RALYL: variants seen among roughly 807,000 people sequenced by gnomAD.
RALYL encodes RALY RNA binding protein like.
Under a neutral mutation model 35.1 loss-of-function variants are expected in RALYL, and 29 were observed. The observed-to-expected ratio is 0.83, with a 90% CI of 0.61 to 1.13. RALYL has a LOEUF of 1.13. Ranked by LOEUF, RALYL falls within the 50% of genes most tolerant of loss-of-function variation. The pLI, the probability that RALYL is intolerant of heterozygous loss-of-function variation, is 0.00. For missense variants in RALYL, 359 were observed against 360.4 expected (o/e 1.00, Z 0.03); for synonymous variants, 120 against 127.6 (o/e 0.94, Z 0.40).
At chr8:84,723,214 G>A (rs563550184) in intron 2 of RALYL, among the ~76,000 whole-genome samples, 1 of 152,062 alleles carries the variant, frequency 6.6e-6, no homozygotes, top group South Asian at 2.1e-4. Flanking sequence ...ATTGAGGAAG[G>A]CTTAGGCTTG....
At chr8:84,325,382 C>A (rs1009456135) in intron 1 of RALYL, among the ~76,000 whole-genome samples, 14 of 152,318 alleles carry the variant, frequency 9.2e-5, no homozygotes, top group African/African-American at 3.4e-4. Flanking sequence ...TGTAAAATCA[C>A]TATTTATAAC....
chr8:84,903,682 T>C (rs1846058583), intron 8 of RALYL, among the ~76,000 whole-genome samples: 1 of 152,184 alleles, frequency 6.6e-6, no homozygotes, highest in Non-Finnish European at 1.5e-5. Flanking sequence ...ATGCCTATTT[T>C]TGTGTAGGGT....
intron 3 of RALYL, among the ~76,000 whole-genome samples, chr8:84,776,771 G>T (rs1302700888): frequency 1.3e-5 from 2 of 152,148 alleles, no homozygotes; most frequent in East Asian, 3.8e-4. Flanking sequence ...CTCATGACAT[G>T]AATGTCATTT....
chr8:84,732,122 T>C (rs1250842608), intron 2 of RALYL, among the ~76,000 whole-genome samples: 1 of 152,186 alleles, frequency 6.6e-6, no homozygotes, highest in Non-Finnish European at 1.5e-5. Flanking sequence ...GTGGAATCCT[T>C]ATCCCTTTCA....
chr8:84,756,898 G>C (rs1811552295), intron 2 of RALYL, among the ~76,000 whole-genome samples: 1 of 151,796 alleles, frequency 6.6e-6, no homozygotes, highest in Admixed American at 6.6e-5. Flanking sequence ...ATTTTAAAAA[G>C]GTACAAAATT....
chr8:84,314,190 T>C (rs1027580630), intron 1 of RALYL, among the ~76,000 whole-genome samples: 7 of 151,844 alleles, frequency 4.6e-5, no homozygotes, highest in African/African-American at 1.5e-4. Flanking sequence ...TTATCAAGGG[T>C]ACAACATGGG....
intron 2 of RALYL, among the ~76,000 whole-genome samples, chr8:84,660,567 T>C (rs1314327032): frequency 6.6e-6 from 1 of 151,988 alleles, no homozygotes; most frequent in Non-Finnish European, 1.5e-5. Context: ...TTTATTTCCA[T>C]ATTTCATAGA....
intron 5 of RALYL, among the ~76,000 whole-genome samples, chr8:84,855,783 A>G (rs1404217513): frequency 1.3e-5 from 2 of 152,206 alleles, no homozygotes; most frequent in Non-Finnish European, 2.9e-5. Flanking sequence ...AAAAGCACTG[A>G]TCAGTTTATA....
intron 1 of RALYL, among the ~76,000 whole-genome samples, chr8:84,335,085 G>A (rs80229391): frequency 0.027 from 4,125 of 152,196 alleles, 102 homozygotes; most frequent in Non-Finnish European, 0.031. Context: ...AGGCAGGAGG[G>A]AGGGTGAGCT....
At chr8:84,361,780 G>A (rs1347991857) in intron 1 of RALYL, among the ~76,000 whole-genome samples, 2 of 152,130 alleles carry the variant, frequency 1.3e-5, no homozygotes. Flanking sequence ...ATACTGGAAG[G>A]AGAACAATCA....
chr8:84,678,187 A>T (rs546224228), intron 2 of RALYL, among the ~76,000 whole-genome samples: 81 of 152,270 alleles, frequency 5.3e-4, no homozygotes, highest in Non-Finnish European at 1.1e-3. Flanking sequence ...CTACAGCTAA[A>T]TTGTCAGTTT....
At chr8:84,374,389 C>G (rs1002820047) in intron 1 of RALYL, among the ~76,000 whole-genome samples, 6 of 151,900 alleles carry the variant, frequency 3.9e-5, no homozygotes, top group African/African-American at 1.4e-4. Flanking sequence ...CCATCAATAA[C>G]TATTTTACTG....
chr8:84,529,773 AT>A (rs1233072162), intron 2 of RALYL, among the ~76,000 whole-genome samples, 196 bp downstream of exon 2: 1 of 152,156 alleles, frequency 6.6e-6, no homozygotes, highest in East Asian at 1.9e-4. Context: ...AAATTTATAA[AT>A]TTGAGATCAA....
intron 2 of RALYL, among the ~76,000 whole-genome samples, chr8:84,649,823 C>T (rs1828332594): frequency 6.6e-6 from 1 of 152,104 alleles, no homozygotes; most frequent in Non-Finnish European, 1.5e-5. Flanking sequence ...TGACGAAAGT[C>T]ATTGGTAGCT....
intron 1 of RALYL, among the ~76,000 whole-genome samples, chr8:84,348,740 A>T (rs1850316921): frequency 1.3e-5 from 2 of 151,304 alleles, no homozygotes; most frequent in South Asian, 4.1e-4. Flanking sequence ...ACCAACTTTT[A>T]CAAGTTCTGA....
At chr8:84,665,812 C>T (rs1831902682) in intron 2 of RALYL, 1 of 151,964 alleles carries the variant, frequency 6.6e-6, no homozygotes. Context: ...AGGGGCCATG[C>T]TACTCTTCTC....
At chr8:84,708,250 A>G (rs1286285921) in intron 2 of RALYL, among the ~76,000 whole-genome samples, 1 of 152,136 alleles carries the variant, frequency 6.6e-6, no homozygotes, top group Non-Finnish European at 1.5e-5. Flanking sequence ...GAGATTTTAA[A>G]GTACAAATTG....
At chr8:84,528,140 T>C (rs1356278593) in intron 1 of RALYL, among the ~76,000 whole-genome samples, 1 of 152,178 alleles carries the variant, frequency 6.6e-6, no homozygotes, top group East Asian at 1.9e-4. Flanking sequence ...TTTGTAGCTG[T>C]AATATTTTAA....
chr8:84,586,204 AAAAG>A (rs1043628063), intron 2 of RALYL, among the ~76,000 whole-genome samples: 9 of 151,992 alleles, frequency 5.9e-5, no homozygotes, highest in Admixed American at 1.3e-4. Flanking sequence ...AAAAAAAAAA[AAAAG>A]AAAGAAAGAA....
Sources: allele counts gnomAD v4.1 joint callset (sites outside exome capture counted in the v4.1 genomes callset), GRCh38; gene constraint gnomAD v4.1.1; transcripts MANE v1.5; gene names NCBI Gene and HGNC (gene_info 2026-07-23, HGNC 2026-07-21).